The following ADGRG6 variants were observed in gnomAD, a reference collection of about 807,000 sequenced individuals.
ADGRG6 encodes the protein adhesion G protein-coupled receptor G6.
A neutral mutation model predicts 142.4 loss-of-function variants in ADGRG6; 84 were observed. The observed-to-expected ratio is 0.59, with a 90% CI of 0.49 to 0.71. The LOEUF (loss-of-function observed/expected upper bound fraction) is 0.71. Among genes scored for constraint, ADGRG6 ranks in the 30% least tolerant of loss-of-function variants. The pLI is 0.00. For missense variants in ADGRG6, 1,367 were observed against 1,466.6 expected (o/e 0.93, Z 1.11); for synonymous variants, 521 against 520.5 (o/e 1.00, Z -0.01).
chr6:142,369,645 C>A (rs1007693070), intron 3 of ADGRG6, among the ~76,000 whole-genome samples: 5 of 151,986 alleles, frequency 3.3e-5, no homozygotes, highest in African/African-American at 1.2e-4. Flanking sequence ...CTAAAACAGC[C>A]TGATGATGGT....
At chr6:142,314,584 C>T (rs144274604) in intron 2 of ADGRG6, among the ~76,000 whole-genome samples, 52 of 152,260 alleles carry the variant, frequency 3.4e-4, no homozygotes, top group East Asian at 1.9e-4. Context: ...TCAGCTACAA[C>T]GTTCTTGCTT....
At chr6:142,435,926 G>A (rs1777465496) in intron 22 of ADGRG6, among the ~76,000 whole-genome samples, 1 of 152,156 alleles carries the variant, frequency 6.6e-6, no homozygotes, top group Non-Finnish European at 1.5e-5. Flanking sequence ...AAAGATTTGG[G>A]AGAAGAGCGT....
At chr6:142,374,701 G>C (rs1468037029) in intron 4 of ADGRG6, among the ~76,000 whole-genome samples, 2 of 152,268 alleles carry the variant, frequency 1.3e-5, no homozygotes, top group African/African-American at 4.8e-5. Context: ...AGAGGCAGTT[G>C]GTGGGCTCCA....
chr6:142,377,649 T>A (rs901560598), intron 4 of ADGRG6, among the ~76,000 whole-genome samples: 3 of 152,258 alleles, frequency 2.0e-5, no homozygotes, highest in African/African-American at 4.8e-5. Context: ...AATTTGTTGA[T>A]GATAAAACAT....
At chr6:142,334,440 G>A (rs1779214494) in intron 2 of ADGRG6, among the ~76,000 whole-genome samples, 1 of 152,154 alleles carries the variant, frequency 6.6e-6, no homozygotes, top group South Asian at 2.1e-4. Context: ...TAGAAGTGCT[G>A]TTACCTAACT....
At chr6:142,419,715 A>C in intron 21 of ADGRG6, 106 bp from the exon 22 acceptor site, 1 of 798,448 alleles carries the variant, frequency 1.3e-6, no homozygotes, top group Non-Finnish European at 2.0e-6. Flanking sequence ...TTCTAAAGAC[A>C]TTTGAGAGGA....
intron 22 of ADGRG6, among the ~76,000 whole-genome samples, chr6:142,434,012 G>T (rs1002057123): frequency 6.6e-6 from 1 of 150,708 alleles, no homozygotes; most frequent in Non-Finnish European, 1.5e-5. Context: ...TTGCACCACT[G>T]TACTTCATCC....
intron 7 of ADGRG6, among the ~76,000 whole-genome samples, chr6:142,392,122 AT>A (rs34113150): frequency 7.3e-5 from 11 of 151,692 alleles, no homozygotes; most frequent in East Asian, 3.8e-4. Context: ...ATAATTTAAC[AT>A]TTTTTTTGCC....
At chr6:142,380,122 T>C (rs1292220374) in intron 4 of ADGRG6, among the ~76,000 whole-genome samples, 1 of 152,140 alleles carries the variant, frequency 6.6e-6, no homozygotes, top group Non-Finnish European at 1.5e-5. Context: ...AATGTCTGGG[T>C]TAAATAAAGG....
chr6:142,438,275 C>T lies in ADGRG6; in HGVS notation c.3485C>T (p.Ser1162Phe), dbSNP rs1325308741. Residue 1162 changes from serine (S) to phenylalanine (F), a missense_variant, in exon 24 of 25, where the codon TCT becomes TTT. Around this residue, in one of 3 missense-constraint regions of ADGRG6, gnomAD observed 344 missense variants for 348.7 expected, o/e 0.99. Coordinates refer to ENST00000367609, the MANE Select transcript of ADGRG6 (RefSeq NM_198569.3). ...KSSDNLGKSL[S>F]SSSIGSNSTY... is the part of the protein sequence containing the mutation. ...TCTGATAATCTAGGAAAATCTTTGT[C>T]TTCAAGCTCCATTGGTTCCAACTCA... is the stretch of plus-strand genomic sequence containing the variant. 1 of 1,603,674 alleles carries T rather than the reference C, an allele frequency of 6.2e-7. No individual in the cohort carries two copies. Among genetic ancestry groups the T allele is most frequent in the Non-Finnish European group, 8.5e-7 (1 of 1,172,724 alleles).
At chr6:142,382,827 A>T (rs2114934084) in intron 5 of ADGRG6, among the ~76,000 whole-genome samples, 1 of 152,336 alleles carries the variant, frequency 6.6e-6, no homozygotes, top group Non-Finnish European at 1.5e-5. Context: ...GACAGGGCTT[A>T]GAAGTGAGAT....
At chr6:142,395,497 G>C (rs1376047586) in intron 9 of ADGRG6, among the ~76,000 whole-genome samples, 1 of 152,078 alleles carries the variant, frequency 6.6e-6, no homozygotes, top group Non-Finnish European at 1.5e-5. Flanking sequence ...CTACTACCTG[G>C]TGATACTAAA....
At chr6:142,389,489 T>A (rs1300142757) in intron 6 of ADGRG6, among the ~76,000 whole-genome samples, 5 of 151,974 alleles carry the variant, frequency 3.3e-5, no homozygotes, top group African/African-American at 4.8e-5. Context: ...TACAGCTATT[T>A]AGCAAACCCT....
chr6:142,370,072 T>G (rs560424474), intron 3 of ADGRG6, 98 bp from the exon 4 acceptor site: 2 of 993,526 alleles, frequency 2.0e-6, no homozygotes, highest in African/African-American at 3.2e-5. Flanking sequence ...GGTAAAAAGT[T>G]AACTAGTAGA....
In ADGRG6 at chr6:142,445,905, T is replaced by G. The variant is rs929063533; in HGVS notation, c.*2390T>G. ...CATAGTCTAGGATCCTGAGAGATTT[T>G]CCATTCTTGTCACCATTCACTTGCA... On this transcript the variant is annotated 3_prime_UTR_variant, in exon 25 of 25. Coordinates refer to ENST00000367609, the MANE Select transcript of ADGRG6 (RefSeq NM_198569.3). 1.3e-5 allele frequency: 2 copies of G among 152,218 alleles called. No homozygotes were observed. Among genetic ancestry groups the G allele is most frequent in the Non-Finnish European group, 2.9e-5 (2 of 68,022 alleles). The allele number at this position is 152,218 out of a possible 1,614,324, so 9.4% of individuals were successfully genotyped here.
At chr6:142,393,223 T>C (rs534334416) in intron 8 of ADGRG6, among the ~76,000 whole-genome samples, 7 of 152,198 alleles carry the variant, frequency 4.6e-5, no homozygotes, top group Non-Finnish European at 1.0e-4. Flanking sequence ...TAATTTGTAT[T>C]TGTTTTAAAT....
chr6:142,350,759 A>G (rs1421212933), intron 2 of ADGRG6, among the ~76,000 whole-genome samples: 1 of 152,228 alleles, frequency 6.6e-6, no homozygotes. Context: ...CTACCATAGG[A>G]AAATTCTTGA....
Position 142,411,291 on chromosome 6 carries a change from G to T in ADGRG6, c.2435-14G>T. 1 of 1,431,818 alleles carries T rather than the reference G, an allele frequency of 7.0e-7. No individual in the cohort carries two copies. The highest frequency in any genetic ancestry group is 9.9e-7 in the Non-Finnish European group (1 of 1,014,118). 88.7% of individuals were successfully genotyped at this position (1,431,818 alleles called of 1,614,324 possible). A position where few individuals can be genotyped will look rare whatever the true frequency, so the allele number is the denominator to read the frequency against. On this transcript the variant is annotated splice_polypyrimidine_tract_variant and intron_variant, in intron 17 of 24. Coordinates refer to ENST00000367609, the MANE Select transcript of ADGRG6 (RefSeq NM_198569.3). ...ACCTGCTGTTTTCACACTGTTTGTTGATTCCTTCAACAGAAAGTTTTGGAG... is the reference window on the plus strand; with the variant it reads ...ACCTGCTGTTTTCACACTGTTTGTTTATTCCTTCAACAGAAAGTTTTGGAG...
intron 16 of ADGRG6, among the ~76,000 whole-genome samples, chr6:142,408,943 C>T (rs933870999): frequency 7.2e-5 from 11 of 152,118 alleles, no homozygotes; most frequent in Non-Finnish European, 1.2e-4. Context: ...TGCCACGAAC[C>T]GTCTTAGACT....
Sources: gnomAD v4.1 joint callset for allele counts (sites outside exome capture counted in the v4.1 genomes callset) on GRCh38, gnomAD v4.1.1 for gene constraint, gnomAD v4.1.1 regional missense constraint, MANE v1.5 for transcripts, NCBI Gene and HGNC (gene_info 2026-07-23, HGNC 2026-07-21) for gene names.